CLDN20: variants seen among roughly 807,000 people sequenced by gnomAD.
The protein encoded by CLDN20 is claudin 20, also known as claudin-20.
For synonymous variants in CLDN20, 104 were observed against 103.6 expected, an observed-to-expected ratio of 1.00 and a Z score of -0.03; for missense variants, 258 against 267.9, an observed-to-expected ratio of 0.96 and a Z score of 0.26.
chr6:155,276,426 G>A lies in CLDN20; in HGVS notation c.*47G>A, dbSNP rs1397611754. ...AATGGAACTTTTGGGTGCCAAATGG[G>A]ACTTTTAGATTAAAAAAAAATCAGA... On this transcript the variant is annotated 3_prime_UTR_variant, in exon 2 of 2. Transcript: ENST00000367165. 6 of 1,510,094 alleles carry A rather than the reference G, an allele frequency of 4.0e-6. No homozygotes were observed. The highest frequency in any genetic ancestry group is 2.0e-5 in the Admixed American group (1 of 49,804). The allele number at this position is 1,510,094 out of a possible 1,614,324, so 93.5% of individuals were successfully genotyped here.
At chr6:155,272,874 A>G (rs1330603538) in intron 1 of CLDN20, among the ~76,000 whole-genome samples, 2 of 152,232 alleles carry the variant, frequency 1.3e-5, no homozygotes, top group Non-Finnish European at 2.9e-5. Context: ...CATGTCTGAA[A>G]TATACTGAAA....
Position 155,275,678 on chromosome 6 carries a change from A to G in CLDN20, c.-42A>G. ...AGAATTCTGACAGCCATCATTGTTA[A>G]ACATCAGGATTTTCTAAGAGGACAG... On this transcript the variant is annotated 5_prime_UTR_variant, in exon 2 of 2. Coordinates refer to ENST00000367165, the MANE Select transcript of CLDN20 (RefSeq NM_001001346.3). 6.5e-7 allele frequency: 1 copy of G among 1,544,794 alleles called. No homozygotes were observed. Among genetic ancestry groups the G allele is most frequent in the Non-Finnish European group, 8.8e-7 (1 of 1,134,384 alleles).
Position 155,276,083 on chromosome 6 carries a change from G to A in CLDN20, c.364G>A (p.Gly122Arg), listed in dbSNP as rs1405903394. 1 of 1,614,154 alleles carries A rather than the reference G, an allele frequency of 6.2e-7. No individual in the cohort carries two copies. Among genetic ancestry groups the A allele is most frequent in the Admixed American group, 1.7e-5 (1 of 60,014 alleles). The part of the protein sequence containing the change: ...ETKSHASFAG[G>R]VCFMSAGISS... ...CAAGAGCCATGCTTCCTTTGCTGGA[G>A]GAGTCTGTTTCATGTCTGCAGGAAT... The change falls in exon 2 of 2, where the codon GGA (glycine) becomes AGA (arginine). Residue 122 changes from glycine (G) to arginine (R), a missense_variant. Physicochemically the swap from Gly to Arg is moderately radical, Grantham distance 125 (BLOSUM62 -2). Coordinates refer to ENST00000367165, the MANE Select transcript of CLDN20 (RefSeq NM_001001346.3).
rs367601594 is a variant in CLDN20, at chr6:155,275,752, C to T, written c.33C>T (p.Phe11=). 8.7e-6 allele frequency: 14 copies of T among 1,613,978 alleles called. No individual in the cohort carries two copies. In the African/African-American group the frequency reaches 1.9e-4, roughly 22 times the overall value. ...CAGCAGGACTCCAGCTCCTTGCTTT[C>T]ATCCTGGCCTTATCTGGGGTCTCTG... MASAGLQLLA[F]ILALSGVSGV... Residue 11 remains phenylalanine, a synonymous_variant, in exon 2 of 2, where the codon TTC becomes TTT. Transcript: ENST00000367165.
intron 1 of CLDN20, among the ~76,000 whole-genome samples, chr6:155,275,087 A>G (rs929929740): frequency 2.0e-5 from 3 of 151,642 alleles, no homozygotes; most frequent in Non-Finnish European, 4.4e-5. Flanking sequence ...TTAGCCGGGC[A>G]TGGTGGCGGG....
At chr6:155,269,213 G>C (rs1448545507) in intron 1 of CLDN20, among the ~76,000 whole-genome samples, 1 of 151,578 alleles carries the variant, frequency 6.6e-6, no homozygotes, top group Non-Finnish European at 1.5e-5. Context: ...AGTATGTCAG[G>C]GTTTCAAAAA....
intron 1 of CLDN20, among the ~76,000 whole-genome samples, chr6:155,274,258 T>C (rs1402274387): frequency 6.6e-6 from 1 of 152,246 alleles, no homozygotes; most frequent in Non-Finnish European, 1.5e-5. Flanking sequence ...AGTACTGCAG[T>C]ATTTCAGAAA....
Position 155,275,825 on chromosome 6 carries a change from G to T in CLDN20, c.106G>T (p.Val36Leu). Residue 36 changes from valine (V) to leucine (L), a missense_variant, in exon 2 of 2, where the codon GTG becomes TTG. Physicochemically the swap from Val to Leu is conservative, Grantham distance 32 (BLOSUM62 1). Transcript: ENST00000367165. ...LLPNWKVNVD[V>L]DSNIITAIVQ... ...GCCCAACTGGAAGGTGAATGTGGAT[G>T]TGGACTCCAACATCATAACAGCCAT... 6.2e-7 allele frequency: 1 copy of T among 1,614,132 alleles called. No individual in the cohort carries two copies. Among genetic ancestry groups the T allele is most frequent in the Non-Finnish European group, 8.5e-7 (1 of 1,180,020 alleles).
At chr6:155,272,778 T>C (rs1422945981) in intron 1 of CLDN20, among the ~76,000 whole-genome samples, 1 of 152,218 alleles carries the variant, frequency 6.6e-6, no homozygotes, top group Non-Finnish European at 1.5e-5. Flanking sequence ...GCTAATTAAA[T>C]GACACGTCAT....
At position 155,276,394 on chromosome 6, in the gene CLDN20, C is replaced by A. The variant is rs777641660; in HGVS notation, c.*15C>A. 23 of 1,589,456 alleles carry A rather than the reference C, an allele frequency of 1.4e-5. No individual in the cohort carries two copies. Among genetic ancestry groups the A allele is most frequent in the Non-Finnish European group, 2.0e-5 (23 of 1,165,822 alleles). On this transcript the variant is annotated 3_prime_UTR_variant, in exon 2 of 2. Coordinates refer to ENST00000367165, the MANE Select transcript of CLDN20 (RefSeq NM_001001346.3). ...ATTATGTGTAAATAACTGAGTAATGCATATGAAATGGAACTTTTGGGTGCC... is the reference window on the plus strand; with the variant it reads ...ATTATGTGTAAATAACTGAGTAATGAATATGAAATGGAACTTTTGGGTGCC...
Position 155,276,214 on chromosome 6 carries a change from T to C in CLDN20, c.495T>C (p.Tyr165=), listed in dbSNP as rs758956503. 5 of 1,614,066 alleles carry C rather than the reference T, an allele frequency of 3.1e-6. No individual in the cohort carries two copies. Among genetic ancestry groups the C allele is most frequent in the East Asian group, 2.2e-5 (1 of 44,896 alleles). The part of the protein sequence containing the change: ...SNKHEPGGAI[Y]IGFISAMLLF... ...AACATGAACCTGGAGGAGCTATCTA[T>C]ATCGGATTCATTTCTGCAATGCTGT... Residue 165 remains tyrosine, a synonymous_variant, in exon 2 of 2, where the codon TAT becomes TAC. Transcript: ENST00000367165.
rs1785171652 is a variant in CLDN20 at position 155,275,839 on chromosome 6, C to G, written c.120C>G (p.Ile40Met). ...TGAATGTGGATGTGGACTCCAACATCATAACAGCCATTGTACAGCTGCACG... is the reference window on the plus strand; with the variant it reads ...TGAATGTGGATGTGGACTCCAACATGATAACAGCCATTGTACAGCTGCACG... ...WKVNVDVDSN[I>M]ITAIVQLHGL... Residue 40 changes from isoleucine (I) to methionine (M), a missense_variant, in exon 2 of 2, where the codon ATC (isoleucine) becomes ATG (methionine). By Grantham distance (10) the Ile-to-Met change is conservative. Transcript: ENST00000367165. The G allele has an allele frequency of 1.9e-6, 3 of 1,614,022 alleles. No individual in the cohort carries two copies. In the African/African-American group the frequency reaches 4.0e-5, roughly 22 times the overall value.
At chr6:155,273,231 T>C (rs537268077) in intron 1 of CLDN20, among the ~76,000 whole-genome samples, 48 of 152,344 alleles carry the variant, frequency 3.2e-4, no homozygotes, top group African/African-American at 9.9e-4. Flanking sequence ...GAAAAGAAAC[T>C]GTATGATAGC....
At chr6:155,269,074 G>T (rs1191643814) in intron 1 of CLDN20, among the ~76,000 whole-genome samples, 1 of 150,536 alleles carries the variant, frequency 6.6e-6, no homozygotes, top group Non-Finnish European at 1.5e-5. Context: ...GCAGGACTGA[G>T]AAGTAAATGC....
At position 155,275,661 on chromosome 6, in the gene CLDN20, G is replaced by A; in HGVS notation, c.-59G>A. On this transcript the variant is annotated 5_prime_UTR_variant, in exon 2 of 2. Coordinates refer to ENST00000367165, the MANE Select transcript of CLDN20 (RefSeq NM_001001346.3). ...ACTGCACAGAAATAGATAGAATTCT[G>A]ACAGCCATCATTGTTAAACATCAGG... The A allele has an allele frequency of 1.3e-6, 2 of 1,481,600 alleles. No individual in the cohort carries two copies. The highest frequency in any genetic ancestry group is 1.8e-6 in the Non-Finnish European group (2 of 1,084,362). The allele number at this position is 1,481,600 out of a possible 1,614,324, so 91.8% of individuals were successfully genotyped here. A position where few individuals can be genotyped will look rare whatever the true frequency, so the allele number is the denominator to read the frequency against.
chr6:155,275,897 G>A lies in CLDN20; in HGVS notation c.178G>A (p.Gly60Arg), dbSNP rs1430016724. 1.2e-6 allele frequency: 2 copies of A among 1,614,114 alleles called. No individual in the cohort carries two copies. Among genetic ancestry groups the A allele is most frequent in the Non-Finnish European group, 8.5e-7 (1 of 1,180,032 alleles). ...LWMDCTWYSTGMFSCALKHSI... is the reference protein window; with the variant it reads ...LWMDCTWYSTRMFSCALKHSI... ...GATGGACTGTACGTGGTACAGCACT[G>A]GGATGTTCAGCTGTGCCCTGAAACA... The change falls in exon 2 of 2, where the codon GGG becomes AGG. Residue 60 changes from glycine (G) to arginine (R), a missense_variant. By Grantham distance (125) the Gly-to-Arg change is moderately radical. Coordinates refer to ENST00000367165, the MANE Select transcript of CLDN20 (RefSeq NM_001001346.3).
chr6:155,275,222 T>C (rs778508619), intron 1 of CLDN20, among the ~76,000 whole-genome samples: 13 of 151,952 alleles, frequency 8.6e-5, no homozygotes, highest in Non-Finnish European at 1.5e-4. Context: ...TGAGACTCCA[T>C]CTCAAAAAAA....
In CLDN20 at chr6:155,276,033, C is replaced by T; in HGVS notation, c.314C>T (p.Thr105Ile). Reference protein sequence around the residue: ...ICTSTVGMKCTRLGGDRETKS... With the variant: ...ICTSTVGMKCIRLGGDRETKS... ...ACTTCCACAGTAGGAATGAAATGTA[C>T]TCGCTTAGGAGGGGACAGAGAAACC... The change falls in exon 2 of 2, where the codon ACT (threonine) becomes ATT (isoleucine). Residue 105 changes from threonine to isoleucine, a missense_variant. Physicochemically the swap from Thr to Ile is moderately conservative, Grantham distance 89. Coordinates refer to ENST00000367165, the MANE Select transcript of CLDN20 (RefSeq NM_001001346.3). 1 of 1,614,142 alleles carries T rather than the reference C, an allele frequency of 6.2e-7. No homozygotes were observed. The highest frequency in any genetic ancestry group is 8.5e-7 in the Non-Finnish European group (1 of 1,180,036).
At chr6:155,267,070 G>T (rs935389647) in intron 1 of CLDN20, among the ~76,000 whole-genome samples, 5 of 150,998 alleles carry the variant, frequency 3.3e-5, no homozygotes, top group African/African-American at 1.2e-4. Context: ...CACCTCCTGG[G>T]TTCAAGCAAT....
Sources: gnomAD v4.1 joint callset for allele counts (sites outside exome capture counted in the v4.1 genomes callset) on GRCh38, gnomAD v4.1.1 for gene constraint, MANE v1.5 for transcripts, NCBI Gene and HGNC (gene_info 2026-07-23, HGNC 2026-07-21) for gene names.